Variants in RPRD1A observed in about 807,000 individuals in gnomAD.
RPRD1A encodes the protein regulation of nuclear pre-mRNA domain containing 1A.
Under a neutral mutation model 37.8 loss-of-function variants are expected in RPRD1A, and 9 were observed. The ratio of observed to expected loss-of-function variants is 0.24; its 90% CI spans 0.14 to 0.42. RPRD1A has a LOEUF of 0.42. RPRD1A is among the 10% of genes least tolerant of loss of function. The probability of loss-of-function intolerance (pLI) is 1.00; values close to 1 mark genes in which losing one functional copy is unlikely to be tolerated. For missense variants in RPRD1A, 255 were observed against 371.0 expected, an observed-to-expected ratio of 0.69 and a Z score of 2.57; for synonymous variants, 138 against 139.7, an observed-to-expected ratio of 0.99 and a Z score of 0.08.
intron 6 of RPRD1A, chr18:36,026,520 A>T (rs995840535): frequency 1.2e-5 from 2 of 165,880 alleles, no homozygotes; most frequent in African/African-American, 4.8e-5. Context: ...ACTTAATGGT[A>T]TACCTAAAAG....
At chr18:36,017,570 T>C (rs902097418) in intron 6 of RPRD1A, among the ~76,000 whole-genome samples, 4 of 152,234 alleles carry the variant, frequency 2.6e-5, no homozygotes, top group Non-Finnish European at 4.4e-5. Context: ...ATCTCACTTC[T>C]AAGAACTGAT....
intron 4 of RPRD1A, among the ~76,000 whole-genome samples, chr18:36,030,432 A>C (rs1467200088): frequency 2.0e-5 from 3 of 151,906 alleles, no homozygotes; most frequent in Non-Finnish European, 4.4e-5. Context: ...GCAGTGAGCC[A>C]AGATAGTGCC....
At chr18:36,038,933 G>C (rs538376682) in intron 1 of RPRD1A, among the ~76,000 whole-genome samples, 1 of 152,116 alleles carries the variant, frequency 6.6e-6, no homozygotes, top group Non-Finnish European at 1.5e-5. Flanking sequence ...TGATACCCCC[G>C]TTGTATCTTG....
intron 6 of RPRD1A, among the ~76,000 whole-genome samples, chr18:36,006,477 T>C (rs1207224145): frequency 6.6e-6 from 1 of 152,226 alleles, no homozygotes; most frequent in Non-Finnish European, 1.5e-5. Context: ...ATTACAGGCA[T>C]GAGCCACTGT....
In RPRD1A at chr18:35,992,830, A is replaced by G. The variant is rs1908789453; in HGVS notation, c.*321T>C. ...AAGAAAATAAAGAAAAACAATTGAA[A>G]ATACCTGAAGAAATACAAACAAGAG... On this transcript the variant is annotated 3_prime_UTR_variant, in exon 7 of 7. Transcript: ENST00000399022. 1 of 197,026 alleles carries G rather than the reference A, an allele frequency of 5.1e-6. No individual in the cohort carries two copies. Among genetic ancestry groups the G allele is most frequent in the Non-Finnish European group, 1.0e-5 (1 of 97,836 alleles). 12.2% of individuals were successfully genotyped at this position (197,026 alleles called of 1,614,324 possible). A position where few individuals can be genotyped will look rare whatever the true frequency, so the allele number is the denominator to read the frequency against.
intron 6 of RPRD1A, among the ~76,000 whole-genome samples, chr18:36,010,590 A>G (rs1208070408): frequency 6.6e-6 from 1 of 152,222 alleles, no homozygotes; most frequent in East Asian, 1.9e-4. Flanking sequence ...TTTTCTCTAC[A>G]AAAGAGAGTG....
chr18:36,061,541 T>TA (rs1390034031), intron 1 of RPRD1A, among the ~76,000 whole-genome samples: 1 of 152,208 alleles, frequency 6.6e-6, no homozygotes, highest in Non-Finnish European at 1.5e-5. Flanking sequence ...GCCCAAATGT[T>TA]AGTGTTGGTT....
chr18:35,992,577 C>A lies in RPRD1A; in HGVS notation c.*574G>T, dbSNP rs1374732042. 6.6e-6 allele frequency: 1 copy of A among 152,044 alleles called. No homozygotes were observed. The highest frequency in any genetic ancestry group is 2.4e-5 in the African/African-American group (1 of 41,384). 9.4% of individuals were successfully genotyped at this position (152,044 alleles called of 1,614,324 possible). ...AACAGTTCTCTAGACTTTCATCTGC[C>A]CCTCAAAGTGACATCCCTGTTTTAT... On this transcript the variant is annotated 3_prime_UTR_variant, in exon 7 of 7. Transcript: ENST00000399022.
chr18:36,033,580 T>C, intron 2 of RPRD1A, 128 bp downstream of exon 2: 1 of 714,124 alleles, frequency 1.4e-6, no homozygotes, highest in Non-Finnish European at 2.1e-6. Context: ...GAGGGAAGTC[T>C]TTTCAAATAA....
intron 6 of RPRD1A, among the ~76,000 whole-genome samples, chr18:36,007,527 TC>T (rs1909821265): frequency 6.6e-6 from 1 of 152,164 alleles, no homozygotes; most frequent in Non-Finnish European, 1.5e-5. Context: ...TCTTTACATC[TC>T]ACAAAAAAGC....
At position 36,066,461 on chromosome 18, in the gene RPRD1A, G is replaced by A. The variant is rs568029783; in HGVS notation, c.151+793C>T. On this transcript the variant is annotated intron_variant, in intron 1 of 6. Transcript: ENST00000399022. ...AATTAAGAATTAAAGTACAAGCTCA[G>A]ACTAAGCAAATGAAATTTTTTATTT... Among the ~76,000 whole-genome samples the A allele has an allele frequency of 1.2e-4, 18 of 152,328 alleles. 1 individual carries two copies. Among genetic ancestry groups the A allele is most frequent in the African/African-American group, 3.8e-4 (16 of 41,574 alleles).
chr18:35,992,917 C>T lies in RPRD1A; in HGVS notation c.*234G>A. The T allele has an allele frequency of 2.8e-6, 1 of 361,216 alleles. No homozygotes were observed. The highest frequency in any genetic ancestry group is 4.9e-6 in the Non-Finnish European group (1 of 205,744). The allele number at this position is 361,216 out of a possible 1,614,324, so 22.4% of individuals were successfully genotyped here. On this transcript the variant is annotated 3_prime_UTR_variant, in exon 7 of 7. Transcript: ENST00000399022. ...CAAAAAGATCTTTTGAAAATAATCA[C>T]TATTTGTGAGCTTATTAATACACAC...
At chr18:36,063,952 T>C (rs2088965998) in intron 1 of RPRD1A, 1 of 152,364 alleles carries the variant, frequency 6.6e-6, no homozygotes. Flanking sequence ...TTTAACGTTT[T>C]CCACTTATGA....
intron 6 of RPRD1A, among the ~76,000 whole-genome samples, chr18:36,014,174 A>T (rs1025027274): frequency 6.6e-6 from 1 of 152,224 alleles, no homozygotes; most frequent in African/African-American, 2.4e-5. Context: ...TGTGTCATAA[A>T]TATTAAAAAT....
Position 36,043,337 on chromosome 18 carries a change from T to G in RPRD1A, c.152-9500A>C, listed in dbSNP as rs370094907. ...AGTGCTGGCCTGGTACTCCACCAAC[T>G]GACTTTGTCCTGTAGGTGCATTTAT... On this transcript the variant is annotated intron_variant, in intron 1 of 6. Coordinates refer to ENST00000399022, the MANE Select transcript of RPRD1A (RefSeq NM_018170.5). Among the ~76,000 whole-genome samples, 5 of 152,248 alleles carry G rather than the reference T, an allele frequency of 3.3e-5. No homozygotes were observed. The East Asian group carries it at 5.8e-4, about 18-fold the overall frequency.
chr18:36,028,389 T>G (rs1467311767), intron 4 of RPRD1A, among the ~76,000 whole-genome samples: 1 of 152,144 alleles, frequency 6.6e-6, no homozygotes, highest in Non-Finnish European at 1.5e-5. Context: ...GTAAGATATA[T>G]CCCCTCTACA....
chr18:36,066,501 A>C lies in RPRD1A; in HGVS notation c.151+753T>G, dbSNP rs139470540. On this transcript the variant is annotated intron_variant, in intron 1 of 6. Transcript: ENST00000399022. ...ATTTTTTATTTTCAGTCGCACTAGGATAATTTTTTACAAAGTTGCTCTGCA... is the reference window on the plus strand; with the variant it reads ...ATTTTTTATTTTCAGTCGCACTAGGCTAATTTTTTACAAAGTTGCTCTGCA... Among the ~76,000 whole-genome samples, 580 of 152,372 alleles carry C rather than the reference A, an allele frequency of 3.8e-3. 8 individuals are homozygous for C. The highest frequency in any genetic ancestry group is 0.013 in the African/African-American group (556 of 41,590).
chr18:35,996,382 C>T (rs1201274910), intron 6 of RPRD1A, among the ~76,000 whole-genome samples: 4 of 152,072 alleles, frequency 2.6e-5, no homozygotes, highest in Non-Finnish European at 4.4e-5. Flanking sequence ...TCATTATTCC[C>T]GTTCCATAGA....
chr18:36,022,106 C>G (rs1448663197), intron 6 of RPRD1A, among the ~76,000 whole-genome samples: 3 of 152,202 alleles, frequency 2.0e-5, no homozygotes, highest in Non-Finnish European at 2.9e-5. Context: ...ATCAAACCAG[C>G]CACATTCCCT....
Sources: gnomAD v4.1 joint callset for allele counts (sites outside exome capture counted in the v4.1 genomes callset) on GRCh38, gnomAD v4.1.1 for gene constraint, MANE v1.5 for transcripts, NCBI Gene and HGNC (gene_info 2026-07-23, HGNC 2026-07-21) for gene names.